The following KRABD2 variants were observed in gnomAD, a reference collection of about 807,000 sequenced individuals.
KRABD2 encodes the protein KRAB domain containing 2, also known as KRAB domain-containing protein 2.
the KRABD2 span, among the ~76,000 whole-genome samples, chr17:8,363,748 TCATA>T: frequency 2.0e-5 from 3 of 148,884 alleles, no homozygotes; most frequent in Non-Finnish European, 4.4e-5. Context: ...ACATCTTTTT[TCATA>T]CATACATATA....
At chr17:8,371,497 G>T in the KRABD2 span, 2 of 1,609,044 alleles carry the variant, frequency 1.2e-6, no homozygotes, top group Non-Finnish European at 1.7e-6. Context: ...CAGCAGGACT[G>T]GGGAAGAGAC....
the KRABD2 span, among the ~76,000 whole-genome samples, chr17:8,363,591 G>A: frequency 2.0e-5 from 3 of 151,474 alleles, no homozygotes; most frequent in South Asian, 2.1e-4. Context: ...CAGGTGATCC[G>A]TCCATCTTGG....
At chr17:8,371,354 A>G in the KRABD2 span, 5 of 1,614,028 alleles carry the variant, frequency 3.1e-6, no homozygotes, top group South Asian at 3.3e-5. Context: ...GTGTCTCTGT[A>G]GCAATCCTTT....
At chr17:8,373,743 C>T in the KRABD2 span, 3 of 170,238 alleles carry the variant, frequency 1.8e-5, no homozygotes, top group Non-Finnish European at 3.8e-5. Context: ...CTCTGCCCAG[C>T]CGCCCATCGT....
At chr17:8,360,810 A>G in the KRABD2 span, among the ~76,000 whole-genome samples, 1 of 152,240 alleles carries the variant, frequency 6.6e-6, no homozygotes, top group African/African-American at 2.4e-5. Flanking sequence ...ACCCAAAGTC[A>G]CCAAATTGAA....
At chr17:8,369,838 T>C in the KRABD2 span, 2 of 1,614,228 alleles carry the variant, frequency 1.2e-6, no homozygotes, top group Non-Finnish European at 1.7e-6. Context: ...GTGGAGTCTA[T>C]GTCCTTAAAA....
chr17:8,370,438 G>T, the KRABD2 span: 2 of 1,184,016 alleles, frequency 1.7e-6, no homozygotes, highest in Non-Finnish European at 2.4e-6. Flanking sequence ...ACTCCCACCT[G>T]GAAGACTTTC....
chr17:8,371,201 G>C, the KRABD2 span: 1 of 1,034,398 alleles, frequency 9.7e-7, no homozygotes, highest in Non-Finnish European at 1.4e-6. Context: ...TGAGGAGTCT[G>C]TCCTTATCTT....
the KRABD2 span, among the ~76,000 whole-genome samples, chr17:8,374,111 C>T: frequency 6.6e-6 from 1 of 152,258 alleles, no homozygotes; most frequent in African/African-American, 2.4e-5. Context: ...GGGCCGCCAC[C>T]CCGTCTGGGA....
chr17:8,368,024 A>G, the KRABD2 span, among the ~76,000 whole-genome samples: 1 of 145,856 alleles, frequency 6.9e-6, no homozygotes, highest in African/African-American at 2.6e-5. Flanking sequence ...GCACTTTGGG[A>G]GGCCAATCCC....
At chr17:8,376,319 C>T in the KRABD2 span, 3 of 1,221,050 alleles carry the variant, frequency 2.5e-6, no homozygotes, top group Non-Finnish European at 2.0e-6. Context: ...AGCAAAGTTA[C>T]TGAGGCCTCA....
chr17:8,367,186 T>C, the KRABD2 span: 2 of 152,158 alleles, frequency 1.3e-5, no homozygotes, highest in African/African-American at 4.8e-5. Flanking sequence ...TTGACTACAA[T>C]GAGAAGTGTG....
At chr17:8,363,849 ATATATATATATATTTATT>A in the KRABD2 span, among the ~76,000 whole-genome samples, 11 of 88,636 alleles carry the variant, frequency 1.2e-4, no homozygotes, top group East Asian at 2.9e-4. Context: ...ATATATATAT[ATATATATATATATTTATT>A]TATTTATTTA....
chr17:8,369,716 G>T, the KRABD2 span: 1 of 1,614,238 alleles, frequency 6.2e-7, no homozygotes, highest in Non-Finnish European at 8.5e-7. Flanking sequence ...GGGCCTGTTT[G>T]GTTCTTAATG....
chr17:8,369,696 A>G, the KRABD2 span: 1 of 1,614,202 alleles, frequency 6.2e-7, no homozygotes, highest in South Asian at 1.1e-5. Flanking sequence ...CAAGACACTG[A>G]CCACCTCATG....
the KRABD2 span, among the ~76,000 whole-genome samples, chr17:8,360,843 G>GT: frequency 1.3e-5 from 2 of 152,192 alleles, no homozygotes; most frequent in Admixed American, 1.3e-4. Flanking sequence ...AATTGCAGAG[G>GT]TAACGGGCTC....
At chr17:8,369,873 C>G in the KRABD2 span, 2 of 1,614,178 alleles carry the variant, frequency 1.2e-6, no homozygotes, top group Non-Finnish European at 1.7e-6. Flanking sequence ...TGCAAGGCCT[C>G]TCTTGGGTAC....
the KRABD2 span, among the ~76,000 whole-genome samples, chr17:8,374,206 AAAGAG>A: frequency 7.0e-6 from 1 of 142,660 alleles, no homozygotes; most frequent in South Asian, 2.1e-4. Flanking sequence ...TGGGGAAAAG[AAAGAG>A]AAATCAGATT....
the KRABD2 span, chr17:8,369,593 C>T: frequency 6.2e-7 from 1 of 1,614,238 alleles, no homozygotes; most frequent in East Asian, 2.2e-5. Context: ...CTGGCCACAA[C>T]TCATTGAGCT....
Sources: allele counts gnomAD v4.1 joint callset (sites outside exome capture counted in the v4.1 genomes callset), GRCh38; gene constraint gnomAD v4.1.1; transcripts MANE v1.5; gene names NCBI Gene and HGNC (gene_info 2026-07-23, HGNC 2026-07-21).